Variants in CFAP20DC observed in about 807,000 individuals in gnomAD.
CFAP20DC encodes protein CFAP20DC.
CFAP20DC carries 84 observed loss-of-function variants against 101.7 expected under a neutral mutation model. That is an observed-to-expected ratio of 0.83 (90% CI 0.69 to 0.99). The LOEUF (loss-of-function observed/expected upper bound fraction) is 0.99, where lower values mean the gene tolerates loss of function less well. CFAP20DC is among the 50% of genes least tolerant of loss of function. The pLI is 0.00. For synonymous variants in CFAP20DC, 359 were observed against 351.2 expected, an observed-to-expected ratio of 1.02 and a Z score of -0.25; for missense variants, 1,007 against 970.3, an observed-to-expected ratio of 1.04 and a Z score of -0.50.
chr3:58,905,039 A>G (rs903102295), intron 6 of CFAP20DC, among the ~76,000 whole-genome samples: 2 of 152,172 alleles, frequency 1.3e-5, no homozygotes, highest in Non-Finnish European at 2.9e-5. Context: ...TACAGGGTCT[A>G]TGCCTTCCAG....
intron 5 of CFAP20DC, among the ~76,000 whole-genome samples, chr3:58,930,922 G>C (rs1401563195): frequency 6.6e-6 from 1 of 152,262 alleles, no homozygotes; most frequent in South Asian, 2.1e-4. Context: ...GTGGGCGCAG[G>C]ACAGTGGGTG....
intron 4 of CFAP20DC, among the ~76,000 whole-genome samples, chr3:58,969,403 T>A (rs1280390648): frequency 2.0e-5 from 3 of 152,172 alleles, no homozygotes; most frequent in Non-Finnish European, 4.4e-5. Flanking sequence ...TATTAAACGA[T>A]ACAGCCTCTT....
intron 8 of CFAP20DC, 121 bp downstream of exon 8, chr3:58,870,052 A>G: frequency 1.1e-6 from 1 of 900,766 alleles, no homozygotes; most frequent in Non-Finnish European, 1.7e-6. Flanking sequence ...TTTGGCATGT[A>G]GTGTCTGTCT....
At position 58,914,097 on chromosome 3, in the gene CFAP20DC, C is replaced by G. The variant is rs1027375547; in HGVS notation, c.394-233G>C. The stretch of plus-strand genomic sequence containing the variant: ...ACATTGGTCATCTGACTACAGAATT[C>G]CCATCATGAGACAAGACTATGACAA... On this transcript the variant is annotated intron_variant, in intron 5 of 16. Transcript: ENST00000482387. This position sits in a 1 kb window ranked among gnomAD's most constrained non-coding sequence, Gnocchi z 4.9. Among the ~76,000 whole-genome samples, 4 of 152,138 alleles carry G rather than the reference C, an allele frequency of 2.6e-5. No individual in the cohort carries two copies. The highest frequency in any genetic ancestry group is 7.2e-5 in the African/African-American group (3 of 41,442).
intron 7 of CFAP20DC, among the ~76,000 whole-genome samples, chr3:58,870,910 A>AG (rs1249310286): frequency 2.0e-5 from 3 of 149,904 alleles, no homozygotes; most frequent in Non-Finnish European, 4.5e-5. Context: ...AAAAAAAAAA[A>AG]AAAAAAAAAA....
At chr3:58,768,129 C>T (rs182000820) in intron 15 of CFAP20DC, among the ~76,000 whole-genome samples, 3 of 152,284 alleles carry the variant, frequency 2.0e-5, no homozygotes, top group Admixed American at 2.0e-4. Context: ...CTTTCTGGAG[C>T]AGATTGGTCC....
intron 6 of CFAP20DC, among the ~76,000 whole-genome samples, chr3:58,888,399 T>G (rs560249967): frequency 2.9e-4 from 44 of 152,216 alleles, no homozygotes; most frequent in African/African-American, 9.4e-4. Context: ...CACAAATAAT[T>G]CTTTTTTTTT....
intron 4 of CFAP20DC, among the ~76,000 whole-genome samples, chr3:58,963,815 G>T (rs771362075): frequency 4.6e-5 from 7 of 152,126 alleles, no homozygotes; most frequent in Non-Finnish European, 1.0e-4. Context: ...TCTTGGCCAA[G>T]GGGACCCCAA....
intron 4 of CFAP20DC, among the ~76,000 whole-genome samples, chr3:58,973,658 A>G (rs527466411): frequency 2.0e-5 from 3 of 152,332 alleles, no homozygotes; most frequent in Non-Finnish European, 4.4e-5. Flanking sequence ...CAGAGACTCA[A>G]AGGAAACAGA....
At chr3:58,932,126 G>A (rs538949888) in intron 5 of CFAP20DC, among the ~76,000 whole-genome samples, 1 of 152,348 alleles carries the variant, frequency 6.6e-6, no homozygotes, top group South Asian at 2.1e-4. Context: ...CGTGAAGAAT[G>A]CAGAAGCCTC....
chr3:58,999,491 G>T (rs1004725317), intron 4 of CFAP20DC, among the ~76,000 whole-genome samples: 3 of 152,120 alleles, frequency 2.0e-5, no homozygotes, highest in African/African-American at 7.2e-5. Flanking sequence ...AAAGGAGTGA[G>T]GGATAGACAA....
chr3:58,992,453 G>A (rs573591133), intron 4 of CFAP20DC: 1 of 500,998 alleles, frequency 2.0e-6, no homozygotes, highest in African/African-American at 2.1e-5. Flanking sequence ...ACAGTCAGTT[G>A]AATGACATAT....
At chr3:59,036,187 A>G (rs2094099893) in intron 4 of CFAP20DC, among the ~76,000 whole-genome samples, 1 of 152,194 alleles carries the variant, frequency 6.6e-6, no homozygotes, top group Admixed American at 6.5e-5. Flanking sequence ...CCCATAGCCA[A>G]TATCATACTG....
chr3:58,823,689 T>C (rs1019402086), intron 14 of CFAP20DC, among the ~76,000 whole-genome samples: 2 of 152,168 alleles, frequency 1.3e-5, no homozygotes, highest in Non-Finnish European at 2.9e-5. Flanking sequence ...GTAGTGTTTA[T>C]TCCAGCTCGA....
chr3:58,749,183 A>G (rs1204948584), intron 16 of CFAP20DC, among the ~76,000 whole-genome samples: 2 of 152,172 alleles, frequency 1.3e-5, no homozygotes, highest in Admixed American at 6.5e-5. Context: ...CACTCATCAA[A>G]TATTTATGGG....
intron 14 of CFAP20DC, among the ~76,000 whole-genome samples, chr3:58,814,324 T>C (rs1264122923): frequency 6.6e-6 from 1 of 151,878 alleles, no homozygotes; most frequent in Non-Finnish European, 1.5e-5. Context: ...GACTAAAAAC[T>C]CTCAATAAAT....
In CFAP20DC at chr3:58,782,269, G is replaced by C. The variant is rs149639342; in HGVS notation, c.2237+24126C>G. 5.3e-5 allele frequency among the ~76,000 whole-genome samples: 8 copies of C among 151,966 alleles called. No homozygotes were observed. In the East Asian group the frequency reaches 1.5e-3, roughly 29 times the overall value. On this transcript the variant is annotated intron_variant, in intron 15 of 16. Coordinates refer to ENST00000482387, the MANE Select transcript of CFAP20DC (RefSeq NM_001394063.1). ...TGATAAAAACAACAAACTAGGCATA[G>C]AAATAATATACTTCAAAATAATAAA...
intron 4 of CFAP20DC, among the ~76,000 whole-genome samples, chr3:59,027,967 T>G (rs1341881889): frequency 6.6e-6 from 1 of 152,238 alleles, no homozygotes; most frequent in Non-Finnish European, 1.5e-5. Context: ...CAACTAATAT[T>G]ATGAAATAAG....
intron 4 of CFAP20DC, among the ~76,000 whole-genome samples, chr3:59,021,373 G>C (rs890451016): frequency 2.6e-5 from 4 of 151,966 alleles, no homozygotes; most frequent in Non-Finnish European, 5.9e-5. Flanking sequence ...CCAGTAGAGG[G>C]GCTCAGGAAT....
Sources: gnomAD v4.1 joint callset for allele counts (sites outside exome capture counted in the v4.1 genomes callset) on GRCh38, gnomAD v4.1.1 for gene constraint, Gnocchi (gnomAD v3.1) non-coding constraint, MANE v1.5 for transcripts, NCBI Gene and HGNC (gene_info 2026-07-23, HGNC 2026-07-21) for gene names.